Variants in DDAH1 observed in about 807,000 individuals in gnomAD.
DDAH1 encodes the protein N(G),N(G)-dimethylarginine dimethylaminohydrolase 1.
In DDAH1, 19 loss-of-function variants were observed where a neutral mutation model predicts 28.8. That is an observed-to-expected ratio of 0.66 (90% CI 0.46 to 0.97). DDAH1 has a LOEUF of 0.97. DDAH1 is among the 50% of genes least tolerant of loss of function. The pLI, the probability that DDAH1 is intolerant of heterozygous loss-of-function variation, is 0.00. For synonymous variants in DDAH1, 153 were observed against 154.4 expected, an observed-to-expected ratio of 0.99 and a Z score of 0.07; for missense variants, 326 against 375.9, an observed-to-expected ratio of 0.87 and a Z score of 1.10.
At chr1:85,397,582 A>G (rs888058154) in intron 1 of DDAH1, among the ~76,000 whole-genome samples, 2 of 152,242 alleles carry the variant, frequency 1.3e-5, no homozygotes, top group Non-Finnish European at 2.9e-5. Flanking sequence ...GGTAGAGTAC[A>G]CTTTTATAAA....
intron 1 of DDAH1, among the ~76,000 whole-genome samples, chr1:85,545,890 C>T (rs1658607965): frequency 6.6e-6 from 1 of 151,960 alleles, no homozygotes. Context: ...GTTTTGGTGC[C>T]AAACTCCCTG....
At chr1:85,382,606 A>T (rs1651050158) in intron 1 of DDAH1, among the ~76,000 whole-genome samples, 1 of 152,234 alleles carries the variant, frequency 6.6e-6, no homozygotes, top group Non-Finnish European at 1.5e-5. Context: ...AAGTTTTCAA[A>T]TTAAATCCAG....
intron 1 of DDAH1, among the ~76,000 whole-genome samples, chr1:85,499,113 TA>T (rs1159907757): frequency 7.0e-6 from 1 of 143,524 alleles, no homozygotes; most frequent in Non-Finnish European, 1.5e-5. Context: ...TCAAACTGAA[TA>T]AAAAAACAAG....
intron 1 of DDAH1, among the ~76,000 whole-genome samples, chr1:85,545,790 G>A (rs1008821987): frequency 6.6e-6 from 1 of 152,116 alleles, no homozygotes; most frequent in Admixed American, 6.6e-5. Context: ...GATGCAGAGG[G>A]AGGAGGGGGG....
chr1:85,512,401 T>A (rs1297594799), intron 1 of DDAH1, among the ~76,000 whole-genome samples: 1 of 152,186 alleles, frequency 6.6e-6, no homozygotes, highest in Non-Finnish European at 1.5e-5. Context: ...TCATACTGAA[T>A]GGGCAAAAAC....
chr1:85,424,085 AT>A (rs1025838024), intron 1 of DDAH1, among the ~76,000 whole-genome samples: 9 of 152,138 alleles, frequency 5.9e-5, no homozygotes, highest in East Asian at 1.9e-4. Flanking sequence ...ATTGTGTATA[AT>A]TTTTTTATAT....
At chr1:85,450,941 A>T (rs1003341083) in intron 1 of DDAH1, among the ~76,000 whole-genome samples, 2 of 152,300 alleles carry the variant, frequency 1.3e-5, no homozygotes, top group African/African-American at 2.4e-5. Context: ...GAGGATGAAG[A>T]GAAATTATAA....
At chr1:85,345,071 C>T (rs796614966) in intron 4 of DDAH1, among the ~76,000 whole-genome samples, 1 of 152,124 alleles carries the variant, frequency 6.6e-6, no homozygotes, top group Admixed American at 6.5e-5. Context: ...AAGTATAACA[C>T]ACAAAGTGGC....
At chr1:85,462,555 T>C (rs190420431) in intron 1 of DDAH1, among the ~76,000 whole-genome samples, 6 of 151,766 alleles carry the variant, frequency 4.0e-5, no homozygotes, top group African/African-American at 1.5e-4. Context: ...CAGCAATCCA[T>C]AGAGGGTCTT....
At chr1:85,418,049 G>A (rs901083949) in intron 1 of DDAH1, among the ~76,000 whole-genome samples, 1 of 152,224 alleles carries the variant, frequency 6.6e-6, no homozygotes, top group Admixed American at 6.5e-5. Context: ...TGGGCATAAT[G>A]ACCAAATCTA....
chr1:85,524,460 G>A (rs1570640682), intron 1 of DDAH1, among the ~76,000 whole-genome samples: 1 of 151,190 alleles, frequency 6.6e-6, no homozygotes, highest in Non-Finnish European at 1.5e-5. Flanking sequence ...AAGATGTTTG[G>A]TATAAGCCTA....
At chr1:85,367,559 T>C (rs996953253) in intron 1 of DDAH1, among the ~76,000 whole-genome samples, 1 of 152,188 alleles carries the variant, frequency 6.6e-6, no homozygotes, top group African/African-American at 2.4e-5. Context: ...TGCTAAGTGA[T>C]TTTGCATGGA....
At chr1:85,423,175 T>G (rs12033170) in intron 1 of DDAH1, among the ~76,000 whole-genome samples, 3,363 of 152,278 alleles carry the variant, frequency 0.022, 77 homozygotes, top group East Asian at 0.12. Context: ...TTACCGTGAC[T>G]TTATAGGAAA....
In DDAH1 at chr1:85,563,456, A is replaced by G. The variant is rs189130181; in HGVS notation, c.-123+14528T>C. Among the ~76,000 whole-genome samples the G allele has an allele frequency of 3.2e-3, 485 of 152,366 alleles. 5 individuals are homozygous for G. Among genetic ancestry groups the G allele is most frequent in the Non-Finnish European group, 5.4e-3 (370 of 68,028 alleles). ...GGGATATTCAGAAAGGTTTTGCCTC[A>G]GTCCTGGGGACAAATCAGCCCTAAA... On this transcript the variant is annotated intron_variant, in intron 1 of 6. Transcript: ENST00000426972.
chr1:85,535,092 A>G (rs1352749164), intron 1 of DDAH1, among the ~76,000 whole-genome samples: 1 of 152,156 alleles, frequency 6.6e-6, no homozygotes, highest in African/African-American at 2.4e-5. Flanking sequence ...AGCAAAATTC[A>G]CTTAAGGTGA....
intron 1 of DDAH1, among the ~76,000 whole-genome samples, chr1:85,462,064 C>T (rs748161744): frequency 1.3e-5 from 2 of 152,110 alleles, no homozygotes; most frequent in African/African-American, 2.4e-5. Context: ...TAATGAAATG[C>T]ACATCATAAA....
chr1:85,532,678 C>A (rs1198224606), intron 1 of DDAH1, among the ~76,000 whole-genome samples: 1 of 151,892 alleles, frequency 6.6e-6, no homozygotes, highest in Non-Finnish European at 1.5e-5. Flanking sequence ...GGTGGAGCAG[C>A]ATATGAAGGG....
At chr1:85,509,862 AT>A (rs763940499) in intron 1 of DDAH1, among the ~76,000 whole-genome samples, 5 of 152,240 alleles carry the variant, frequency 3.3e-5, no homozygotes, top group Non-Finnish European at 7.3e-5. Flanking sequence ...TCTACATTTG[AT>A]TGGTGTACCT....
At chr1:85,419,994 C>T (rs559456158) in intron 1 of DDAH1, among the ~76,000 whole-genome samples, 1 of 152,234 alleles carries the variant, frequency 6.6e-6, no homozygotes, top group African/African-American at 2.4e-5. Flanking sequence ...CCATTTTCAT[C>T]ACATTTTATC....
Sources: allele counts gnomAD v4.1 joint callset (sites outside exome capture counted in the v4.1 genomes callset), GRCh38; gene constraint gnomAD v4.1.1; transcripts MANE v1.5; gene names NCBI Gene and HGNC (gene_info 2026-07-23, HGNC 2026-07-21).